ELFN1: variants seen among roughly 807,000 people sequenced by gnomAD.
ELFN1 encodes the protein extracellular leucine rich repeat and fibronectin type III domain containing 1, also known as protein ELFN1.
A neutral mutation model predicts 7.6 loss-of-function variants in ELFN1; 6 were observed. The observed-to-expected ratio is 0.79, with a 90% CI of 0.43 to 1.56. The LOEUF (loss-of-function observed/expected upper bound fraction) is 1.56. Ranked by LOEUF, ELFN1 falls within the 40% of genes most tolerant of loss-of-function variation. The pLI is 0.01. For missense variants in ELFN1, 1,169 were observed against 1,232.2 expected (o/e 0.95, Z 0.77); for synonymous variants, 657 against 588.1 (o/e 1.12, Z -1.70).
chr7:1,724,198 G>A (rs1295421682), intron 3 of ELFN1, among the ~76,000 whole-genome samples: 2 of 152,220 alleles, frequency 1.3e-5, no homozygotes, highest in African/African-American at 4.8e-5. Flanking sequence ...AGTGCCTGGC[G>A]CGTGGTAGGT....
intron 1 of ELFN1, among the ~76,000 whole-genome samples, chr7:1,681,509 C>T (rs1465773364): frequency 6.6e-6 from 1 of 152,158 alleles, no homozygotes; most frequent in African/African-American, 2.4e-5. Context: ...ATTACAGGCA[C>T]GCACCACCAT....
chr7:1,716,017 C>T (rs1429548063), intron 3 of ELFN1, among the ~76,000 whole-genome samples: 1 of 152,242 alleles, frequency 6.6e-6, no homozygotes, highest in African/African-American at 2.4e-5. Context: ...GGCGCCATTG[C>T]TCACCAGCTG....
chr7:1,694,134 G>C (rs1779246112), intron 2 of ELFN1: 1 of 246,196 alleles, frequency 4.1e-6, no homozygotes. Context: ...GGGTTCCCCA[G>C]CCAGCCCCGG....
intron 3 of ELFN1, among the ~76,000 whole-genome samples, chr7:1,736,623 T>G (rs1364332305): frequency 6.6e-6 from 1 of 152,130 alleles, no homozygotes; most frequent in Non-Finnish European, 1.5e-5. Context: ...CAGGGGGCAG[T>G]GTGTGTGAGG....
rs1377343399 is a variant in ELFN1, at chr7:1,695,868, CAA to C, written c.-456+7720_-456+7721del. Among the ~76,000 whole-genome samples the C allele has an allele frequency of 6.6e-6, 1 of 151,564 alleles. No individual in the cohort carries two copies. Among genetic ancestry groups the C allele is most frequent in the Admixed American group, 6.6e-5 (1 of 15,208 alleles). On this transcript the variant is annotated intron_variant, in intron 2 of 3. Transcript: ENST00000424383. This position sits in a 1 kb window ranked among gnomAD's most constrained non-coding sequence, Gnocchi z 5.1. ...CCCGCCAGGCCCTAGGGTTACCAGACAAAGTCTGTTTCCTCCTGGAGTGTGCA... is the reference window on the plus strand; with the variant it reads ...CCCGCCAGGCCCTAGGGTTACCAGACAGTCTGTTTCCTCCTGGAGTGTGCA...
chr7:1,733,566 CGGGCTGG>C (rs1394280710), intron 3 of ELFN1, among the ~76,000 whole-genome samples: 1 of 152,086 alleles, frequency 6.6e-6, no homozygotes, highest in African/African-American at 2.4e-5. Context: ...CTGAGCAAAC[CGGGCTGG>C]GCCACTCCCT....
At chr7:1,738,038 G>A (rs1359106096) in intron 3 of ELFN1, among the ~76,000 whole-genome samples, 4 of 152,208 alleles carry the variant, frequency 2.6e-5, no homozygotes, top group Non-Finnish European at 4.4e-5. Flanking sequence ...CAGGACAGCC[G>A]AGGTCCCCGT....
intron 3 of ELFN1, among the ~76,000 whole-genome samples, chr7:1,737,109 C>T (rs1314565616): frequency 6.6e-6 from 1 of 152,100 alleles, no homozygotes; most frequent in African/African-American, 2.4e-5. Flanking sequence ...TCGAACACAC[C>T]CCCTCTCCCT....
intron 2 of ELFN1, chr7:1,693,875 G>A (rs768297205): frequency 4.6e-6 from 2 of 434,048 alleles, no homozygotes; most frequent in Non-Finnish European, 9.8e-6. Context: ...GAGTGAGAGT[G>A]CTTCCTCCTC....
chr7:1,701,154 G>A (rs62435473), intron 2 of ELFN1, among the ~76,000 whole-genome samples: 2,801 of 151,420 alleles, frequency 0.018, 26 homozygotes, highest in Middle Eastern at 0.048. Flanking sequence ...TGTGGTGCAC[G>A]CATGTGTGTG....
Position 1,697,490 on chromosome 7 carries a change from G to A in ELFN1, c.-456+9340G>A, listed in dbSNP as rs187821793. On this transcript the variant is annotated intron_variant, in intron 2 of 3. Coordinates refer to ENST00000424383, the MANE Select transcript of ELFN1 (RefSeq NM_001128636.4). ...CTGCCTGCCAGGTCCCGGCACAGCCGAGGCCAGCCCGGTGTATAGCACGTG... is the reference window on the plus strand; with the variant it reads ...CTGCCTGCCAGGTCCCGGCACAGCCAAGGCCAGCCCGGTGTATAGCACGTG... Among the ~76,000 whole-genome samples the A allele has an allele frequency of 2.6e-3, 401 of 152,344 alleles. 3 individuals are homozygous for A. Among genetic ancestry groups the A allele is most frequent in the African/African-American group, 9.0e-3 (375 of 41,560 alleles).
intron 2 of ELFN1, among the ~76,000 whole-genome samples, chr7:1,690,121 GTGGATGGATGAGCAAGTGGATGGA>G (rs1779129509): frequency 6.6e-6 from 1 of 151,940 alleles, no homozygotes. Context: ...GGATGGGCGG[GTGGATGGATGAGCAAGTGGATGGA>G]TGGATGGATA....
intron 2 of ELFN1, among the ~76,000 whole-genome samples, chr7:1,702,075 T>C (rs1439210172): frequency 6.6e-6 from 1 of 152,136 alleles, no homozygotes; most frequent in African/African-American, 2.4e-5. Context: ...TCTAATCTTA[T>C]AATAATATCT....
Position 1,746,617 on chromosome 7 carries a change from C to G in ELFN1, c.2021C>G (p.Ser674Cys). ...GAGGCCAAGTACATCGAGAAGGGCT[C>G]CCCCGCGGCCGACGCCATCCTCACT... ...AAEAKYIEKG[S>C]PAADAILTVT... The change falls in exon 4 of 4, where the codon TCC (serine) becomes TGC (cysteine). Residue 674 changes from serine to cysteine, a missense_variant. By Grantham distance (112) the Ser-to-Cys change is moderately radical. This residue lies in a region of ELFN1 where 914 missense variants were observed against 872.6 expected (regional missense o/e 1.05). Transcript: ENST00000424383. The G allele has an allele frequency of 7.4e-7, 1 of 1,348,938 alleles. No individual in the cohort carries two copies. Among genetic ancestry groups the G allele is most frequent in the Non-Finnish European group, 9.5e-7 (1 of 1,055,000 alleles). 83.6% of individuals were successfully genotyped at this position (1,348,938 alleles called of 1,614,324 possible). A position where few individuals can be genotyped will look rare whatever the true frequency, so the allele number is the denominator to read the frequency against.
upstream of ELFN1, among the ~76,000 whole-genome samples, chr7:1,667,180 G>C (rs1469392415): frequency 6.6e-6 from 1 of 151,600 alleles, no homozygotes; most frequent in Non-Finnish European, 1.5e-5. The surrounding 1 kb of genome is among the most constrained non-coding windows in gnomAD (Gnocchi z 8.2). Context: ...ACCCGGTCAC[G>C]GCCCTGGGCC....
At chr7:1,713,022 G>A (rs749040602) in intron 3 of ELFN1, among the ~76,000 whole-genome samples, 3 of 152,206 alleles carry the variant, frequency 2.0e-5, no homozygotes, top group Non-Finnish European at 2.9e-5. Context: ...CCGGAACACC[G>A]ATGCTGCATC....
At chr7:1,744,180 A>T (rs1780707975) in intron 3 of ELFN1, 124 bp from the exon 4 acceptor site, 2 of 197,076 alleles carry the variant, frequency 1.0e-5, no homozygotes, top group South Asian at 1.6e-4. Context: ...GAAGAGATTC[A>T]GGGGGCTCAG....
Position 1,746,695 on chromosome 7 carries a change from A to G in ELFN1, c.2099A>G (p.Tyr700Cys). ...GCCGAGGCCGAGAAGGGTCGCCAGT[A>G]CGGCGAGCACCGGCACTCGTACCCC... ...LRAEAEKGRQYGEHRHSYPGS... is the reference protein window; with the variant it reads ...LRAEAEKGRQCGEHRHSYPGS... Residue 700 changes from tyrosine to cysteine, a missense_variant, in exon 4 of 4, where the codon TAC becomes TGC. Transcript: ENST00000424383. 2 of 1,455,910 alleles carry G rather than the reference A, an allele frequency of 1.4e-6. No individual in the cohort carries two copies. Among genetic ancestry groups the G allele is most frequent in the Non-Finnish European group, 1.8e-6 (2 of 1,110,804 alleles). The allele number at this position is 1,455,910 out of a possible 1,614,324, so 90.2% of individuals were successfully genotyped here.
intron 3 of ELFN1, among the ~76,000 whole-genome samples, chr7:1,733,606 C>T (rs1373551143): frequency 1.3e-5 from 2 of 152,104 alleles, no homozygotes; most frequent in African/African-American, 4.8e-5. Flanking sequence ...CGCATCCCAG[C>T]CCCGTCCCAG....
Sources: allele counts gnomAD v4.1 joint callset (sites outside exome capture counted in the v4.1 genomes callset), GRCh38; gene constraint gnomAD v4.1.1; regional missense constraint gnomAD v4.1.1; non-coding constraint Gnocchi (gnomAD v3.1); transcripts MANE v1.5; gene names NCBI Gene and HGNC (gene_info 2026-07-23, HGNC 2026-07-21).